CTU2: variants seen among roughly 807,000 people sequenced by gnomAD.
The protein encoded by CTU2 is cytosolic thiouridylase subunit 2, also known as cytoplasmic tRNA 2-thiolation protein 2.
A neutral mutation model predicts 64.1 loss-of-function variants in CTU2; 80 were observed. That is an observed-to-expected ratio of 1.25 (90% CI 1.04 to 1.50). The LOEUF (loss-of-function observed/expected upper bound fraction) is 1.50. Ranked by LOEUF, CTU2 falls within the 40% of genes most tolerant of loss-of-function variation. CTU2 has a pLI of 0.00. For synonymous variants in CTU2, 482 were observed against 285.3 expected (o/e 1.69, Z -6.95); for missense variants, 1,110 against 690.2 (o/e 1.61, Z -6.81).
Position 88,714,239 on chromosome 16 carries a change from T to C in CTU2, c.1097+12T>C, listed in dbSNP as rs575472278. 5.0e-6 allele frequency: 8 copies of C among 1,602,392 alleles called. No homozygotes were observed. The highest frequency in any genetic ancestry group is 6.8e-6 in the Non-Finnish European group (8 of 1,176,150). ...AGCACTGTGTACAGGTGTGGGTGTG[T>C]GTGGGTGTGTGCGGGGGGTGCGCGG... On this transcript the variant is annotated intron_variant, in intron 10 of 14. Coordinates refer to ENST00000453996, the MANE Select transcript of CTU2 (RefSeq NM_001012759.3).
chr16:88,710,082 C>G (rs1469710885), intron 3 of CTU2, 66 bp downstream of exon 3: 1 of 1,585,646 alleles, frequency 6.3e-7, no homozygotes, highest in African/African-American at 1.3e-5. Flanking sequence ...CTTGTCCCTC[C>G]CACAGGCAGC....
chr16:88,714,090 G>A, intron 9 of CTU2, 46 bp from the exon 10 acceptor site: 3 of 1,578,146 alleles, frequency 1.9e-6, no homozygotes, highest in South Asian at 1.1e-5. Flanking sequence ...CCAGCCTGGG[G>A]CTGGCCTCTG....
At position 88,714,450 on chromosome 16, in the gene CTU2, C is replaced by G. The variant is rs1424567838; in HGVS notation, c.1165C>G (p.Leu389Val). The G allele has an allele frequency of 1.2e-6, 2 of 1,612,576 alleles. No individual in the cohort carries two copies. The highest frequency in any genetic ancestry group is 2.2e-5 in the South Asian group (2 of 91,086). Reference sequence around the variant, plus strand: ...TGCTGGCGACTCCGGCCCCCGCTGCCTCCTCTGCATGTGTGCCCTGGACGT... The same window carrying G: ...TGCTGGCGACTCCGGCCCCCGCTGCGTCCTCTGCATGTGTGCCCTGGACGT... ...PAAGDSGPRC[L>V]LCMCALDVDA... Residue 389 changes from leucine to valine, a missense_variant, in exon 11 of 15, where the codon CTC becomes GTC. Coordinates refer to ENST00000453996, the MANE Select transcript of CTU2 (RefSeq NM_001012759.3).
rs760949995 is a variant in CTU2 at position 88,709,992 on chromosome 16, C to T, written c.198C>T (p.Asn66=). 44 of 1,613,960 alleles carry T rather than the reference C, an allele frequency of 2.7e-5. No homozygotes were observed. In the Middle Eastern group the frequency reaches 8.2e-4, roughly 30 times the overall value. ...VHKFRAMLGK[N]RLIFPGEKVL... Reference sequence around the variant, plus strand: ...AGTTCAGAGCCATGCTGGGCAAGAACCGGCTCATCTTTCCAGGCGAGAAGG... The same window carrying T: ...AGTTCAGAGCCATGCTGGGCAAGAATCGGCTCATCTTTCCAGGCGAGAAGG... Residue 66 remains asparagine (N), a synonymous_variant, in exon 3 of 15, where the codon AAC becomes AAT. Transcript: ENST00000453996.
At chr16:88,709,250 C>T (rs1439828295) in intron 2 of CTU2, 1 of 151,962 alleles carries the variant, frequency 6.6e-6, no homozygotes, top group East Asian at 1.9e-4. Context: ...GCACTGCACT[C>T]CAACCTGGGT....
chr16:88,713,998 C>G, intron 9 of CTU2, 138 bp from the exon 10 acceptor site: 3 of 1,053,960 alleles, frequency 2.8e-6, no homozygotes, highest in Non-Finnish European at 4.2e-6. Flanking sequence ...GGTTCTCTGG[C>G]TGCCTTGAGC....
chr16:88,714,141 T>C lies in CTU2; in HGVS notation c.1011T>C (p.Pro337=), dbSNP rs1332737336. 6.2e-7 allele frequency: 1 copy of C among 1,612,560 alleles called. No homozygotes were observed. Among genetic ancestry groups the C allele is most frequent in the Admixed American group, 1.7e-5 (1 of 60,010 alleles). Residue 337 remains proline, a synonymous_variant, in exon 10 of 15, where the codon CCT becomes CCC. Transcript: ENST00000453996. ...VFTPAVDTKA[P]EKASIHRLME... is the part of the protein sequence containing the mutation. ...TCCAATCTGATTGTCCCTAGGCCCC[T>C]GAAAAGGCCAGCATCCACCGGCTGA...
intron 2 of CTU2, among the ~76,000 whole-genome samples, chr16:88,708,087 T>G (rs964971706): frequency 8.5e-5 from 13 of 152,212 alleles, no homozygotes; most frequent in African/African-American, 3.1e-4. Flanking sequence ...GTGCTGGGAT[T>G]ACAGGCATGA....
At position 88,714,168 on chromosome 16, in the gene CTU2, G is replaced by GA. The variant is rs1567651944; in HGVS notation, c.1038_1039insA (p.Glu347ArgfsTer23). 1 of 1,612,756 alleles carries GA rather than the reference G, an allele frequency of 6.2e-7. No individual in the cohort carries two copies. Among genetic ancestry groups the GA allele is most frequent in the African/African-American group, 1.3e-5 (1 of 75,042 alleles). On this transcript the variant is annotated frameshift_variant, in exon 10 of 15. Transcript: ENST00000453996. LOFTEE classifies it high-confidence loss of function. ...AAAAGGCCAGCATCCACCGGCTGAT[G>GA]GAGGCCTTCATCCTCAGGCTGCAGA...
chr16:88,713,895 GC>G, intron 9 of CTU2, 117 bp downstream of exon 9: 2 of 1,402,088 alleles, frequency 1.4e-6, no homozygotes, highest in South Asian at 2.6e-5. Flanking sequence ...TCCTGCTGTG[GC>G]CCCCAGCAGT....
At chr16:88,714,987 T>G in intron 13 of CTU2, 61 bp downstream of exon 13, 1 of 1,599,690 alleles carries the variant, frequency 6.3e-7, no homozygotes, top group Non-Finnish European at 8.5e-7. Flanking sequence ...CGTCACCTCG[T>G]GGGTGGCTTG....
Position 88,714,944 on chromosome 16 carries a change from T to A in CTU2, c.1419+18T>A. 1 of 1,611,096 alleles carries A rather than the reference T, an allele frequency of 6.2e-7. No homozygotes were observed. Among genetic ancestry groups the A allele is most frequent in the Non-Finnish European group, 8.5e-7 (1 of 1,178,814 alleles). On this transcript the variant is annotated intron_variant, in intron 13 of 14. Transcript: ENST00000453996. Reference sequence around the variant, plus strand: ...AGGACTTGGTGAGTACGTGCCCACCTGTCCTGGGCCGGGCTTGGGGACGCG... The same window carrying A: ...AGGACTTGGTGAGTACGTGCCCACCAGTCCTGGGCCGGGCTTGGGGACGCG...
Position 88,714,144 on chromosome 16 carries a change from A to C in CTU2, c.1014A>C (p.Glu338Asp). The C allele has an allele frequency of 6.2e-7, 1 of 1,612,606 alleles. No homozygotes were observed. The highest frequency in any genetic ancestry group is 1.7e-5 in the Admixed American group (1 of 60,020). The change falls in exon 10 of 15, where the codon GAA becomes GAC. Residue 338 changes from glutamate to aspartate, a missense_variant. Glu to Asp is a conservative substitution (Grantham distance 45). Coordinates refer to ENST00000453996, the MANE Select transcript of CTU2 (RefSeq NM_001012759.3). Reference protein sequence around the residue: ...FTPAVDTKAPEKASIHRLMEA... With the variant: ...FTPAVDTKAPDKASIHRLMEA... ...AATCTGATTGTCCCTAGGCCCCTGA[A>C]AAGGCCAGCATCCACCGGCTGATGG...
Position 88,714,118 on chromosome 16 carries a change from C to T in CTU2, c.1006-18C>T, listed in dbSNP as rs552957377. On this transcript the variant is annotated intron_variant, in intron 9 of 14. Transcript: ENST00000453996. ...GGCCTCTGGGCTTTCCCATAGCCTC[C>T]AATCTGATTGTCCCTAGGCCCCTGA... 2.5e-6 allele frequency: 4 copies of T among 1,611,244 alleles called. No individual in the cohort carries two copies. Among genetic ancestry groups the T allele is most frequent in the Admixed American group, 1.7e-5 (1 of 60,016 alleles).
rs779980669 is a variant in CTU2 at position 88,715,213 on chromosome 16, C to CTGAT, written c.1514_1517dup (p.Glu506AspfsTer2). The CTGAT allele has an allele frequency of 2.4e-5, 38 of 1,612,354 alleles. No individual in the cohort carries two copies. The highest frequency in any genetic ancestry group is 2.0e-4 in the East Asian group (9 of 44,870). On this transcript the variant is annotated frameshift_variant, in exon 15 of 15. Coordinates refer to ENST00000453996, the MANE Select transcript of CTU2 (RefSeq NM_001012759.3). LOFTEE classifies it low-confidence loss of function (END_TRUNC). ...GGGCTTGCAGGAGATCCGGGACTGT[C>CTGAT]TGATTGAGGACAGTGACGACGAGGC...
In CTU2 at chr16:88,714,632, A is replaced by G. The variant is rs8059048; in HGVS notation, c.1247A>G (p.Gln416Arg). The G allele has an allele frequency of 0.21, 343,315 of 1,612,336 alleles. 43,146 individuals carry two copies. The highest frequency in any genetic ancestry group is 0.63 in the East Asian group (28,123 of 44,828). Residue 416 changes from glutamine to arginine, a missense_variant, in exon 12 of 15, where the codon CAG becomes CGG. By Grantham distance (43) the Gln-to-Arg change is conservative. Coordinates refer to ENST00000453996, the MANE Select transcript of CTU2 (RefSeq NM_001012759.3). ...GCTCAGACCTCCTCGCGTCTCTCCCAGATGCAGTCACCCATCCCCCTGACT... is the reference window on the plus strand; with the variant it reads ...GCTCAGACCTCCTCGCGTCTCTCCCGGATGCAGTCACCCATCCCCCTGACT... ...FGAQTSSRLS[Q>R]MQSPIPLTET...
chr16:88,709,662 G>A (rs1185494084), intron 2 of CTU2: 8 of 463,716 alleles, frequency 1.7e-5, no homozygotes, highest in South Asian at 1.6e-4. Context: ...GAGGGGTGCC[G>A]GGGCTCTGCC....
At chr16:88,709,577 G>A (rs1911154372) in intron 2 of CTU2, 1 of 236,622 alleles carries the variant, frequency 4.2e-6, no homozygotes, top group Non-Finnish European at 8.3e-6. Flanking sequence ...TTTTTATGGG[G>A]TCTGGGTTGG....
In CTU2 at chr16:88,709,437, C is replaced by T. The variant is rs550471877; in HGVS notation, c.144-501C>T. 9.0e-5 allele frequency: 14 copies of T among 155,442 alleles called. No individual in the cohort carries two copies. In the South Asian group the frequency reaches 2.7e-3, roughly 30 times the overall value. 9.6% of individuals were successfully genotyped at this position (155,442 alleles called of 1,614,324 possible). A position where few individuals can be genotyped will look rare whatever the true frequency, so the allele number is the denominator to read the frequency against. ...CTGGGGCCCCAGGATACTGAGCCCT[C>T]GCTGTGGCCCACCCCATTTCCGCAC... On this transcript the variant is annotated intron_variant, in intron 2 of 14. Coordinates refer to ENST00000453996, the MANE Select transcript of CTU2 (RefSeq NM_001012759.3).
Sources: allele counts gnomAD v4.1 joint callset (sites outside exome capture counted in the v4.1 genomes callset), GRCh38; gene constraint gnomAD v4.1.1; transcripts MANE v1.5; gene names NCBI Gene and HGNC (gene_info 2026-07-23, HGNC 2026-07-21).